The following SCAI variants were observed in gnomAD, a reference collection of about 807,000 sequenced individuals.
The protein encoded by SCAI is suppressor of cancer cell invasion.
Under a neutral mutation model 92.2 loss-of-function variants are expected in SCAI, and 24 were observed. The ratio of observed to expected loss-of-function variants is 0.26; its 90% CI spans 0.19 to 0.37. The LOEUF is 0.37. SCAI is among the 10% of genes least tolerant of loss of function. SCAI has a pLI of 1.00. For synonymous variants in SCAI, 261 were observed against 258.6 expected (o/e 1.01, Z -0.09); for missense variants, 450 against 736.2 (o/e 0.61, Z 4.50).
intron 2 of SCAI, among the ~76,000 whole-genome samples, chr9:125,068,919 T>C (rs1046937971): frequency 1.3e-4 from 20 of 151,102 alleles, no homozygotes; most frequent in Non-Finnish European, 2.5e-4. Flanking sequence ...AAAATAAAAA[T>C]ATAACAAAAA....
intron 2 of SCAI, among the ~76,000 whole-genome samples, chr9:125,063,164 C>G (rs1833809059): frequency 6.7e-6 from 1 of 149,794 alleles, no homozygotes; most frequent in South Asian, 2.1e-4. Context: ...AATCCCAGCA[C>G]TTTGGGAGGC....
chr9:125,040,035 CTTTA>C (rs1833287192), intron 3 of SCAI, among the ~76,000 whole-genome samples: 1 of 152,172 alleles, frequency 6.6e-6, no homozygotes, highest in South Asian at 2.1e-4. Context: ...CTCCTTTCAA[CTTTA>C]TTCCCCACAA....
At chr9:125,093,712 CACACTG>C (rs1834490182) in intron 2 of SCAI, among the ~76,000 whole-genome samples, 1 of 152,010 alleles carries the variant, frequency 6.6e-6, no homozygotes, top group East Asian at 2.0e-4. Flanking sequence ...ACTACAGGCA[CACACTG>C]ACACGCCTGG....
At chr9:125,005,773 C>A (rs1370132117) in intron 9 of SCAI, among the ~76,000 whole-genome samples, 2 of 152,268 alleles carry the variant, frequency 1.3e-5, no homozygotes, top group East Asian at 3.9e-4. Context: ...CACACATACA[C>A]CTATGCCCAA....
At chr9:124,995,146 AGGGG>A in intron 13 of SCAI, 131 bp from the exon 14 acceptor site, 3 of 607,058 alleles carry the variant, frequency 4.9e-6, no homozygotes, top group Admixed American at 3.2e-5. Context: ...AGTTAAGCAA[AGGGG>A]AAAAAAAGCC....
chr9:124,952,641 A>C lies in SCAI; in HGVS notation c.*166T>G. The C allele has an allele frequency of 1.9e-6, 1 of 537,802 alleles. No homozygotes were observed. The highest frequency in any genetic ancestry group is 3.3e-5 in the South Asian group (1 of 30,432). The allele number at this position is 537,802 out of a possible 1,614,324, so 33.3% of individuals were successfully genotyped here. ...GACCTGAAAGGTTGCATTTTAAAAC[A>C]GTTACCCTAAAAGTGTGAACATTTT... On this transcript the variant is annotated 3_prime_UTR_variant, in exon 18 of 18. Coordinates refer to ENST00000336505, the MANE Select transcript of SCAI (RefSeq NM_001144877.3).
intron 2 of SCAI, among the ~76,000 whole-genome samples, chr9:125,136,164 G>A (rs371836201): frequency 6.7e-6 from 1 of 148,626 alleles, no homozygotes; most frequent in Non-Finnish European, 1.5e-5. Flanking sequence ...AGGCTGGAGT[G>A]CAGTGGTGCA....
At chr9:125,096,199 A>G (rs149568756) in intron 2 of SCAI, among the ~76,000 whole-genome samples, 225 of 152,330 alleles carry the variant, frequency 1.5e-3, no homozygotes, top group South Asian at 4.8e-3. Flanking sequence ...AAGGAGGAGC[A>G]AGTCATGTCT....
intron 2 of SCAI, among the ~76,000 whole-genome samples, chr9:125,093,803 A>T (rs1296556352): frequency 6.6e-6 from 1 of 151,988 alleles, no homozygotes; most frequent in East Asian, 1.9e-4. Context: ...TGACCTCATG[A>T]TCTGCCCTCC....
At chr9:124,953,335 T>C (rs1024877143) in intron 17 of SCAI, among the ~76,000 whole-genome samples, 1 of 152,052 alleles carries the variant, frequency 6.6e-6, no homozygotes, top group African/African-American at 2.4e-5. Context: ...GAAATTAAAA[T>C]GAGGCTGGGG....
chr9:125,120,827 T>A (rs571556785), intron 2 of SCAI, among the ~76,000 whole-genome samples: 2,008 of 151,706 alleles, frequency 0.013, 34 homozygotes, highest in African/African-American at 0.044. Flanking sequence ...GGCTGCAGTG[T>A]GCCAAGATCA....
At chr9:125,023,624 TGTAGCATATTC>T (rs1457575577) in intron 6 of SCAI, among the ~76,000 whole-genome samples, 1 of 152,078 alleles carries the variant, frequency 6.6e-6, no homozygotes, top group Non-Finnish European at 1.5e-5. Flanking sequence ...ATTTGGTGCC[TGTAGCATATTC>T]ATCTTTTCCC....
chr9:124,968,369 G>A (rs947770821), intron 17 of SCAI: 60 of 1,192,650 alleles, frequency 5.0e-5, no homozygotes, highest in South Asian at 2.2e-4. Context: ...GCTCTGCAGC[G>A]AGCACATCAT....
chr9:124,946,265 T>A lies in SCAI; in HGVS notation c.*6542A>T, dbSNP rs918805656. The A allele has an allele frequency of 8.5e-5, 13 of 152,244 alleles. No homozygotes were observed. Among genetic ancestry groups the A allele is most frequent in the African/African-American group, 3.1e-4 (13 of 41,464 alleles). 9.4% of individuals were successfully genotyped at this position (152,244 alleles called of 1,614,324 possible). On this transcript the variant is annotated 3_prime_UTR_variant, in exon 18 of 18. Transcript: ENST00000336505. The surrounding 1 kb of genome is among the most constrained non-coding windows in gnomAD (Gnocchi z 4.0). The stretch of plus-strand genomic sequence containing the variant: ...TCAGAAATAATAAATTACCAAATTT[T>A]AATATTTATTCAAGAAAAATGCTGT...
chr9:125,019,712 A>C (rs976722313), intron 7 of SCAI, among the ~76,000 whole-genome samples: 3 of 152,160 alleles, frequency 2.0e-5, no homozygotes, highest in African/African-American at 7.2e-5. Flanking sequence ...AAATATTTTT[A>C]ATGGTAACTG....
intron 2 of SCAI, among the ~76,000 whole-genome samples, chr9:125,083,719 G>A (rs553943594): frequency 2.6e-5 from 4 of 152,178 alleles, no homozygotes; most frequent in African/African-American, 9.6e-5. Flanking sequence ...AATATTGAGA[G>A]TCTTCTATGT....
Position 125,024,494 on chromosome 9 carries a change from C to G in SCAI, c.512+2318G>C, listed in dbSNP as rs181049618. On this transcript the variant is annotated intron_variant, in intron 6 of 17. Coordinates refer to ENST00000336505, the MANE Select transcript of SCAI (RefSeq NM_001144877.3). ...GTTTCACCATGTTAACCAGGATGGT[C>G]TCGATCTCCTGACCTCATGATCCGC... 5.1e-4 allele frequency among the ~76,000 whole-genome samples: 77 copies of G among 152,238 alleles called. 2 individuals are homozygous for G. The East Asian group carries it at 6.8e-3, about 13-fold the overall frequency.
At chr9:125,018,704 G>T (rs1832811567) in intron 9 of SCAI, 95 bp downstream of exon 9, 2 of 1,044,618 alleles carry the variant, frequency 1.9e-6, no homozygotes, top group Admixed American at 2.4e-5. Context: ...CTCACAAGAG[G>T]ATGTTAGGAT....
At chr9:125,036,784 T>C (rs1833206185) in intron 3 of SCAI, among the ~76,000 whole-genome samples, 2 of 152,228 alleles carry the variant, frequency 1.3e-5, no homozygotes, top group South Asian at 4.1e-4. Context: ...CATGTATGCA[T>C]ATAAATATGC....
Sources: allele counts gnomAD v4.1 joint callset (sites outside exome capture counted in the v4.1 genomes callset), GRCh38; gene constraint gnomAD v4.1.1; non-coding constraint Gnocchi (gnomAD v3.1); transcripts MANE v1.5; gene names NCBI Gene and HGNC (gene_info 2026-07-23, HGNC 2026-07-21).